Variants in TMEFF1 observed in about 807,000 individuals in gnomAD.
The protein encoded by TMEFF1 is transmembrane protein with EGF like and two follistatin like domains 1, also known as tomoregulin-1.
Under a neutral mutation model 47.5 loss-of-function variants are expected in TMEFF1, and 20 were observed. That is an observed-to-expected ratio of 0.42 (90% CI 0.30 to 0.61). The LOEUF (loss-of-function observed/expected upper bound fraction) is 0.61, where lower values mean the gene tolerates loss of function less well. TMEFF1 is among the 20% of genes least tolerant of loss of function. The pLI is 0.19. For synonymous variants in TMEFF1, 162 were observed against 166.3 expected (o/e 0.97, Z 0.20); for missense variants, 411 against 471.1 (o/e 0.87, Z 1.18).
chr9:100,523,698 A>G (rs1838207562), intron 5 of TMEFF1, among the ~76,000 whole-genome samples: 1 of 152,222 alleles, frequency 6.6e-6, no homozygotes, highest in Admixed American at 6.5e-5. Context: ...CTATATTGAG[A>G]AGAAATGGTA....
chr9:100,485,975 T>A (rs1356402939), intron 1 of TMEFF1, among the ~76,000 whole-genome samples: 3 of 152,188 alleles, frequency 2.0e-5, no homozygotes, highest in Non-Finnish European at 4.4e-5. Context: ...CTTAACGTAT[T>A]CTTGTACCTT....
Position 100,576,709 on chromosome 9 carries a change from G to A in TMEFF1, c.*109G>A. 1.5e-6 allele frequency: 2 copies of A among 1,329,524 alleles called. No homozygotes were observed. Among genetic ancestry groups the A allele is most frequent in the Non-Finnish European group, 1.0e-6 (1 of 973,046 alleles). 82.4% of individuals were successfully genotyped at this position (1,329,524 alleles called of 1,614,324 possible). ...GGCCTTATTTTTGGACATTTTTAGTGTAGTACTGTTGGCTCGTATTTAGAA... is the reference window on the plus strand; with the variant it reads ...GGCCTTATTTTTGGACATTTTTAGTATAGTACTGTTGGCTCGTATTTAGAA... On this transcript the variant is annotated 3_prime_UTR_variant, in exon 10 of 10. Coordinates refer to ENST00000374879, the MANE Select transcript of TMEFF1 (RefSeq NM_003692.5).
intron 8 of TMEFF1, among the ~76,000 whole-genome samples, chr9:100,567,583 C>A (rs996701024): frequency 6.6e-6 from 1 of 152,066 alleles, no homozygotes; most frequent in African/African-American, 2.4e-5. Flanking sequence ...AGTAGGTGCT[C>A]AATAATTGTG....
At chr9:100,477,963 A>G (rs552492543) in intron 1 of TMEFF1, among the ~76,000 whole-genome samples, 14 of 152,002 alleles carry the variant, frequency 9.2e-5, no homozygotes, top group African/African-American at 3.4e-4. Flanking sequence ...GCATGTGTTT[A>G]TTTCTATTTA....
chr9:100,571,833 C>T (rs960537954), intron 8 of TMEFF1, among the ~76,000 whole-genome samples: 20 of 152,086 alleles, frequency 1.3e-4, no homozygotes, highest in Non-Finnish European at 2.4e-4. Flanking sequence ...TGATGGGGGA[C>T]GGTGACAGAT....
At position 100,509,213 on chromosome 9, in the gene TMEFF1, A is replaced by G. The variant is rs1357864384; in HGVS notation, c.436+79A>G. 20 of 1,403,054 alleles carry G rather than the reference A, an allele frequency of 1.4e-5. 1 individual carries two copies. The South Asian group carries it at 2.6e-4, about 19-fold the overall frequency. 86.9% of individuals were successfully genotyped at this position (1,403,054 alleles called of 1,614,324 possible). On this transcript the variant is annotated intron_variant, in intron 3 of 9. Coordinates refer to ENST00000374879, the MANE Select transcript of TMEFF1 (RefSeq NM_003692.5). Reference sequence around the variant, plus strand: ...TAAAAGGGGGTTTTGAGTCAGAGGTATATTTCCACAACTGCTGTGTGGATT... The same window carrying G: ...TAAAAGGGGGTTTTGAGTCAGAGGTGTATTTCCACAACTGCTGTGTGGATT...
chr9:100,572,138 T>C (rs1057435457), intron 8 of TMEFF1, among the ~76,000 whole-genome samples: 2 of 152,156 alleles, frequency 1.3e-5, no homozygotes, highest in African/African-American at 4.8e-5. Context: ...ATATACGTAA[T>C]TTTATTTGTC....
At chr9:100,540,059 T>C (rs1229618084) in intron 5 of TMEFF1, among the ~76,000 whole-genome samples, 1 of 152,170 alleles carries the variant, frequency 6.6e-6, no homozygotes, top group African/African-American at 2.4e-5. Context: ...AGAGTGCTGA[T>C]TGGTGCGTTT....
intron 4 of TMEFF1, among the ~76,000 whole-genome samples, chr9:100,513,917 A>G (rs1344157125): frequency 1.3e-5 from 2 of 152,166 alleles, no homozygotes; most frequent in African/African-American, 4.8e-5. Flanking sequence ...TTTCCTATCT[A>G]TGTTTTTGAT....
chr9:100,559,461 A>G (rs1838974130), intron 7 of TMEFF1, among the ~76,000 whole-genome samples: 1 of 152,216 alleles, frequency 6.6e-6, no homozygotes, highest in Admixed American at 6.5e-5. Flanking sequence ...AGCACTTGAA[A>G]TGTGGCTAGT....
intron 5 of TMEFF1, among the ~76,000 whole-genome samples, chr9:100,521,162 C>T (rs1290160998): frequency 1.3e-5 from 2 of 152,238 alleles, no homozygotes; most frequent in East Asian, 3.9e-4. Flanking sequence ...GAGTGAAGTG[C>T]GTGAACTTTA....
chr9:100,576,421 T>G, intron 9 of TMEFF1, 95 bp from the exon 10 acceptor site: 1 of 1,477,304 alleles, frequency 6.8e-7, no homozygotes, highest in Non-Finnish European at 9.1e-7. Flanking sequence ...TGTGGCTTTA[T>G]GTGCAAAATG....
At chr9:100,502,559 T>C (rs1451177306) in intron 2 of TMEFF1, among the ~76,000 whole-genome samples, 1 of 152,054 alleles carries the variant, frequency 6.6e-6, no homozygotes, top group Non-Finnish European at 1.5e-5. Flanking sequence ...CGCCAAGACC[T>C]CTAGGTTGCC....
chr9:100,478,193 T>G (rs1837270650), intron 1 of TMEFF1, among the ~76,000 whole-genome samples: 1 of 152,226 alleles, frequency 6.6e-6, no homozygotes, highest in Non-Finnish European at 1.5e-5. Context: ...CCTCCCTAGC[T>G]TGAAGATCAT....
intron 5 of TMEFF1, among the ~76,000 whole-genome samples, chr9:100,530,357 AAAG>A (rs1838353372): frequency 6.6e-6 from 1 of 152,272 alleles, no homozygotes; most frequent in African/African-American, 2.4e-5. Flanking sequence ...ACAAAGAAAA[AAAG>A]AGAGAAGAAT....
chr9:100,562,365 A>G (rs559176171), intron 8 of TMEFF1, among the ~76,000 whole-genome samples: 1 of 152,152 alleles, frequency 6.6e-6, no homozygotes, highest in East Asian at 1.9e-4. Context: ...AAGAGGAAGC[A>G]ATTGGAAATC....
At chr9:100,574,719 A>T (rs546893711) in intron 9 of TMEFF1, among the ~76,000 whole-genome samples, 2 of 152,228 alleles carry the variant, frequency 1.3e-5, no homozygotes, top group Non-Finnish European at 2.9e-5. Context: ...AACAATTCTG[A>T]GTTCAACCCC....
chr9:100,511,597 T>C (rs1837968226), intron 3 of TMEFF1, among the ~76,000 whole-genome samples: 1 of 152,264 alleles, frequency 6.6e-6, no homozygotes, highest in Admixed American at 6.5e-5. Flanking sequence ...CTCTTTTCCT[T>C]ATTTGAAAAC....
chr9:100,491,865 T>G (rs1297580919), intron 1 of TMEFF1, among the ~76,000 whole-genome samples: 6 of 151,760 alleles, frequency 4.0e-5, no homozygotes, highest in Non-Finnish European at 8.8e-5. Context: ...AATTTTTCTT[T>G]GAGAATAGTT....
Sources: allele counts gnomAD v4.1 joint callset (sites outside exome capture counted in the v4.1 genomes callset), GRCh38; gene constraint gnomAD v4.1.1; transcripts MANE v1.5; gene names NCBI Gene and HGNC (gene_info 2026-07-23, HGNC 2026-07-21).